ANKRD11: variants seen among roughly 807,000 people sequenced by gnomAD.
The protein encoded by ANKRD11 is ankyrin repeat domain 11.
ANKRD11 carries 17 observed loss-of-function variants against 195.7 expected under a neutral mutation model. The ratio of observed to expected loss-of-function variants is 0.09; its 90% confidence interval spans 0.06 to 0.13. The LOEUF is 0.13. ANKRD11 is among the 10% of genes least tolerant of loss of function. The probability of loss-of-function intolerance (pLI) is 1.00; values close to 1 mark genes in which losing one functional copy is unlikely to be tolerated. For missense variants in ANKRD11, 3,735 were observed against 3,566.1 expected, an observed-to-expected ratio of 1.05 and a Z score of -1.21; for synonymous variants, 1,953 against 1,528.1, an observed-to-expected ratio of 1.28 and a Z score of -6.49.
At chr16:89,380,560 C>CT (rs397731952) in intron 2 of ANKRD11, among the ~76,000 whole-genome samples, 1 of 25,910 alleles carries the variant, frequency 3.9e-5, no homozygotes, top group African/African-American at 2.0e-4. Flanking sequence ...AGCCCCAGGA[C>CT]CTGCCCGCTG....
intron 11 of ANKRD11, chr16:89,272,665 G>C (rs1300489778): frequency 6.6e-6 from 1 of 152,130 alleles, no homozygotes; most frequent in Non-Finnish European, 1.5e-5. Context: ...GGAAGACTCA[G>C]AATCACAAAA....
At chr16:89,367,484 G>A (rs761226176) in intron 2 of ANKRD11, among the ~76,000 whole-genome samples, 1 of 152,158 alleles carries the variant, frequency 6.6e-6, no homozygotes, top group Non-Finnish European at 1.5e-5. Flanking sequence ...CAAACAACCC[G>A]GAGTGTACAG....
rs148063174 is a variant in ANKRD11 at position 89,472,719 on chromosome 16, G to C, written c.-145+17526C>G. Among the ~76,000 whole-genome samples, 584 of 152,298 alleles carry C rather than the reference G, an allele frequency of 3.8e-3. 5 individuals are homozygous for C. Among genetic ancestry groups the C allele is most frequent in the African/African-American group, 0.013 (550 of 41,554 alleles). On this transcript the variant is annotated intron_variant, in intron 1 of 12. Coordinates refer to ENST00000301030, the MANE Select transcript of ANKRD11 (RefSeq NM_013275.6). ...TAGGTATCTGCCCTAAGTGTGCCAA[G>C]CCTTTTATTTGAGGATCCAATGAAT...
At chr16:89,295,942 G>A (rs1298479028) in intron 4 of ANKRD11, among the ~76,000 whole-genome samples, 14 of 137,726 alleles carry the variant, frequency 1.0e-4, no homozygotes, top group African/African-American at 3.8e-4. Context: ...GCTGTGAACC[G>A]CCTGGGGGTG....
rs1229270955 is a variant in ANKRD11 at position 89,285,156 on chromosome 16, T to C, written c.1386A>G (p.Thr462=). ...NKVKKKRKKE[T]KGREVRFGKR... is the part of the protein sequence containing the mutation. ...TTCCGAAGCGAACCTCTCTGCCTTT[T>C]GTTTCTTTCTTTCGCTTCTTTTTCA... Residue 462 remains threonine (T), a synonymous_variant, in exon 9 of 13, where the codon ACA becomes ACG. Transcript: ENST00000301030. The surrounding 1 kb of genome is among the most constrained non-coding windows in gnomAD (Gnocchi z 5.6). 6.2e-7 allele frequency: 1 copy of C among 1,613,528 alleles called. No homozygotes were observed. Among genetic ancestry groups the C allele is most frequent in the African/African-American group, 1.3e-5 (1 of 75,050 alleles).
chr16:89,471,156 C>G (rs2057070778), intron 1 of ANKRD11, among the ~76,000 whole-genome samples: 1 of 151,962 alleles, frequency 6.6e-6, no homozygotes, highest in Non-Finnish European at 1.5e-5. Context: ...AGCTGGAGAT[C>G]AGCCTGACAG....
At chr16:89,370,574 CCTTCCAGG>C (rs1033450184) in intron 2 of ANKRD11, 3 of 152,432 alleles carry the variant, frequency 2.0e-5, no homozygotes, top group African/African-American at 7.2e-5. Context: ...GACCACAGGG[CCTTCCAGG>C]CAGCTCAGCG....
At chr16:89,441,767 CAAAAAAAAAAAAAA>C (rs57747159) in intron 1 of ANKRD11, among the ~76,000 whole-genome samples, 24 of 52,358 alleles carry the variant, frequency 4.6e-4, no homozygotes, top group African/African-American at 2.6e-3. Context: ...ACTCCGCCTA[CAAAAAAAAAAAAAA>C]AAAAAAAAAA....
chr16:89,374,834 C>T (rs1417507849), intron 2 of ANKRD11, among the ~76,000 whole-genome samples: 1 of 152,120 alleles, frequency 6.6e-6, no homozygotes, highest in African/African-American at 2.4e-5. Flanking sequence ...CGGCAAGTCA[C>T]CCATCGATTT....
intron 1 of ANKRD11, among the ~76,000 whole-genome samples, chr16:89,462,988 CGGGA>C (rs1263333247): frequency 8.0e-5 from 12 of 150,936 alleles, no homozygotes; most frequent in African/African-American, 2.9e-4. Flanking sequence ...CCGCCCCGTC[CGGGA>C]GGGAGGTGGG....
chr16:89,318,301 C>T (rs777133338), intron 2 of ANKRD11, among the ~76,000 whole-genome samples: 8 of 152,234 alleles, frequency 5.3e-5, no homozygotes, highest in East Asian at 1.9e-4. Context: ...CCAGGCCTCC[C>T]GGGTGCACTC....
intron 3 of ANKRD11, among the ~76,000 whole-genome samples, chr16:89,311,379 G>A (rs1222614955): frequency 6.6e-6 from 1 of 152,064 alleles, no homozygotes; most frequent in Non-Finnish European, 1.5e-5. Flanking sequence ...GTCTGGCTTT[G>A]GTATCAGTAT....
chr16:89,396,428 A>G (rs530516406), intron 2 of ANKRD11, among the ~76,000 whole-genome samples: 9 of 152,308 alleles, frequency 5.9e-5, no homozygotes, highest in African/African-American at 2.2e-4. Context: ...CTGCTGCTGG[A>G]AACGCTCACA....
At position 89,285,518 on chromosome 16, in the gene ANKRD11, G is replaced by A. The variant is rs2034587328; in HGVS notation, c.1024C>T (p.Pro342Ser). Residue 342 changes from proline (P) to serine (S), a missense_variant, in exon 9 of 13, where the codon CCC becomes TCC. Physicochemically the swap from Pro to Ser is moderately conservative, Grantham distance 74 (BLOSUM62 -1). Coordinates refer to ENST00000301030, the MANE Select transcript of ANKRD11 (RefSeq NM_013275.6). This position sits in a 1 kb window ranked among gnomAD's most constrained non-coding sequence, Gnocchi z 5.6. ...TCAAACTCATACTCGTCCTTGACGG[G>A]GGCCGTGGCCTTCTGTGGCTCTGGG... ...KNPEPQKATA[P>S]VKDEYEFDED... is the part of the protein sequence containing the mutation. 6.2e-7 allele frequency: 1 copy of A among 1,613,882 alleles called. No homozygotes were observed. Among genetic ancestry groups the A allele is most frequent in the African/African-American group, 1.3e-5 (1 of 74,862 alleles).
chr16:89,482,785 T>C (rs746289222), intron 1 of ANKRD11, among the ~76,000 whole-genome samples: 2 of 152,010 alleles, frequency 1.3e-5, no homozygotes, highest in Admixed American at 6.5e-5. Flanking sequence ...GAGCCGAGAC[T>C]CTCCAAAAAA....
chr16:89,335,303 C>G (rs1351596525), intron 2 of ANKRD11, among the ~76,000 whole-genome samples: 7 of 152,186 alleles, frequency 4.6e-5, no homozygotes, highest in African/African-American at 1.4e-4. Context: ...GGGGCTGCAA[C>G]AGGGCTGCAC....
At chr16:89,339,476 C>A (rs1163148387) in intron 2 of ANKRD11, among the ~76,000 whole-genome samples, 1 of 144,202 alleles carries the variant, frequency 6.9e-6, no homozygotes, top group Non-Finnish European at 1.6e-5. Flanking sequence ...GCCCTGAGTG[C>A]ACGCAGCGCA....
At chr16:89,320,694 G>A (rs1181433439) in intron 2 of ANKRD11, among the ~76,000 whole-genome samples, 1 of 152,212 alleles carries the variant, frequency 6.6e-6, no homozygotes, top group Non-Finnish European at 1.5e-5. Flanking sequence ...GTGGGCTCAG[G>A]GAACTTGCCC....
chr16:89,376,892 G>A (rs2040445991), intron 2 of ANKRD11, among the ~76,000 whole-genome samples: 1 of 152,230 alleles, frequency 6.6e-6, no homozygotes, highest in Non-Finnish European at 1.5e-5. Context: ...ATGCAGTAGG[G>A]TTTATGATAA....
Sources: gnomAD v4.1 joint callset for allele counts (sites outside exome capture counted in the v4.1 genomes callset) on GRCh38, gnomAD v4.1.1 for gene constraint, Gnocchi (gnomAD v3.1) non-coding constraint, MANE v1.5 for transcripts, NCBI Gene and HGNC (gene_info 2026-07-23, HGNC 2026-07-21) for gene names.